ZCWPW2: variants seen among roughly 807,000 people sequenced by gnomAD.
The protein encoded by ZCWPW2 is zinc finger CW-type PWWP domain protein 2.
ZCWPW2 carries 45 observed loss-of-function variants against 46.6 expected under a neutral mutation model. The ratio of observed to expected loss-of-function variants is 0.96; its 90% CI spans 0.76 to 1.24. ZCWPW2 has a LOEUF of 1.24. ZCWPW2 is among the 50% of genes most tolerant of loss of function. ZCWPW2 has a pLI of 0.00. For synonymous variants in ZCWPW2, 152 were observed against 137.1 expected (o/e 1.11, Z -0.76); for missense variants, 429 against 403.9 (o/e 1.06, Z -0.53).
At chr3:28,445,947 A>T (rs781339352) in intron 4 of ZCWPW2, among the ~76,000 whole-genome samples, 6 of 152,176 alleles carry the variant, frequency 3.9e-5, no homozygotes, top group Non-Finnish European at 8.8e-5. Context: ...AGATATTTTG[A>T]TTAATAAGAT....
chr3:28,435,149 A>T lies in ZCWPW2; in HGVS notation c.372A>T (p.Lys124Asn). 2 of 1,613,162 alleles carry T rather than the reference A, an allele frequency of 1.2e-6. No homozygotes were observed. The highest frequency in any genetic ancestry group is 1.3e-5 in the African/African-American group (1 of 75,036). Residue 124 changes from lysine to asparagine, a missense_variant, in exon 4 of 10, where the codon AAA (lysine) becomes AAT (asparagine). Physicochemically the swap from Lys to Asn is moderately conservative, Grantham distance 94. Coordinates refer to ENST00000383768, the MANE Select transcript of ZCWPW2 (RefSeq NM_001040432.4). ...TTTGCCCTGACCGTTTTAAAGGGAA[A>T]TATGTAACTTATGACCCGGATGGAA... is the stretch of plus-strand genomic sequence containing the variant. ...GILCPDRFKG[K>N]YVTYDPDGNV...
At chr3:28,414,142 T>C (rs527901111) in intron 3 of ZCWPW2, among the ~76,000 whole-genome samples, 5 of 152,184 alleles carry the variant, frequency 3.3e-5, no homozygotes, top group Admixed American at 6.5e-5. Flanking sequence ...ATATTACTTA[T>C]GGTGGCTATT....
intron 4 of ZCWPW2, among the ~76,000 whole-genome samples, chr3:28,444,648 C>G (rs1445062267): frequency 6.6e-6 from 1 of 152,136 alleles, no homozygotes; most frequent in Non-Finnish European, 1.5e-5. Context: ...ATGATAAGAG[C>G]TTTCCACAAT....
chr3:28,366,555 T>C (rs1403680775), intron 1 of ZCWPW2, among the ~76,000 whole-genome samples: 3 of 138,516 alleles, frequency 2.2e-5, no homozygotes, highest in Non-Finnish European at 4.6e-5. Flanking sequence ...CAGTATTTTA[T>C]TGAGGATTTT....
At chr3:28,461,634 T>C (rs549725091) in intron 4 of ZCWPW2, 2 of 152,208 alleles carry the variant, frequency 1.3e-5, no homozygotes, top group East Asian at 1.9e-4. Context: ...GAACGAAATA[T>C]ATCTATTTAT....
chr3:28,484,678 C>G (rs1171479153), intron 5 of ZCWPW2, among the ~76,000 whole-genome samples: 1 of 151,062 alleles, frequency 6.6e-6, no homozygotes, highest in Non-Finnish European at 1.5e-5. Context: ...CTCTCCCTTT[C>G]CTCCTTCCTT....
At chr3:28,433,092 TACACACACACAC>T (rs71626517) in intron 3 of ZCWPW2, among the ~76,000 whole-genome samples, 1 of 148,834 alleles carries the variant, frequency 6.7e-6, no homozygotes, top group Admixed American at 6.7e-5. Context: ...AGCATATTCT[TACACACACACAC>T]ACACACACAC....
chr3:28,466,981 G>A (rs1313774423), intron 4 of ZCWPW2, among the ~76,000 whole-genome samples: 2 of 151,982 alleles, frequency 1.3e-5, no homozygotes, highest in Non-Finnish European at 2.9e-5. Flanking sequence ...TTGGAAGGTT[G>A]AACAAAAGAG....
chr3:28,367,065 A>G (rs1705145391), intron 1 of ZCWPW2, among the ~76,000 whole-genome samples: 1 of 152,106 alleles, frequency 6.6e-6, no homozygotes, highest in African/African-American at 2.4e-5. Context: ...CTAGCAGTCT[A>G]TCAATTTTGT....
Position 28,355,522 on chromosome 3 carries a change from G to A in ZCWPW2, c.-134+6319G>A, listed in dbSNP as rs574126374. Among the ~76,000 whole-genome samples, 859 of 152,278 alleles carry A rather than the reference G, an allele frequency of 5.6e-3. 2 individuals carry two copies. The highest frequency in any genetic ancestry group is 9.5e-3 in the Non-Finnish European group (647 of 68,020). On this transcript the variant is annotated intron_variant, in intron 1 of 9. Coordinates refer to ENST00000383768, the MANE Select transcript of ZCWPW2 (RefSeq NM_001040432.4). ...TACTTTAAAGTTCATATGGAACCAA[G>A]AAAGAGCCCGCATTGCCAAGTCCAT... is the stretch of plus-strand genomic sequence containing the variant.
intron 3 of ZCWPW2, among the ~76,000 whole-genome samples, chr3:28,430,256 G>A (rs549950633): frequency 6.6e-6 from 1 of 152,362 alleles, no homozygotes; most frequent in South Asian, 2.1e-4. Context: ...AGCGTGACCT[G>A]GATGTGAGAC....
Position 28,524,514 on chromosome 3 carries a change from G to A in ZCWPW2, c.910-13G>A, listed in dbSNP as rs1173082643. The A allele has an allele frequency of 1.3e-6, 2 of 1,599,848 alleles. No homozygotes were observed. Among genetic ancestry groups the A allele is most frequent in the South Asian group, 2.3e-5 (2 of 86,856 alleles). On this transcript the variant is annotated splice_polypyrimidine_tract_variant and intron_variant, in intron 9 of 9. Transcript: ENST00000383768. ...TTGACATAGTTCCGATTAATTATAT[G>A]GTTGTTTTGCAGTTATCTAAATGCA...
At chr3:28,448,243 A>G (rs1270308373) in intron 4 of ZCWPW2, among the ~76,000 whole-genome samples, 1 of 152,180 alleles carries the variant, frequency 6.6e-6, no homozygotes, top group Non-Finnish European at 1.5e-5. Flanking sequence ...TGAATTCAAC[A>G]AAGCAGCAGG....
chr3:28,436,334 T>G (rs1489509004), intron 4 of ZCWPW2, among the ~76,000 whole-genome samples: 1 of 146,750 alleles, frequency 6.8e-6, no homozygotes, highest in Non-Finnish European at 1.5e-5. Context: ...TTTTTTTTTT[T>G]TTTTTTTGTG....
At chr3:28,451,177 T>A (rs13088574) in intron 4 of ZCWPW2, among the ~76,000 whole-genome samples, 45,051 of 152,038 alleles carry the variant, frequency 0.3, 6,968 homozygotes, top group African/African-American at 0.35. Context: ...AAGAGGCCAC[T>A]AATGTTTATA....
intron 5 of ZCWPW2, among the ~76,000 whole-genome samples, chr3:28,489,497 T>G (rs1217765475): frequency 1.3e-5 from 2 of 152,080 alleles, no homozygotes; most frequent in Non-Finnish European, 2.9e-5. Flanking sequence ...ACTCATCAAT[T>G]ATTTCCAACT....
At chr3:28,379,811 A>G (rs1405904776) in intron 1 of ZCWPW2, among the ~76,000 whole-genome samples, 1 of 152,146 alleles carries the variant, frequency 6.6e-6, no homozygotes, top group African/African-American at 2.4e-5. Flanking sequence ...GAAAAACGTG[A>G]CCATTTGTAG....
At chr3:28,398,277 A>C (rs1695784264) in intron 2 of ZCWPW2, 1 of 152,228 alleles carries the variant, frequency 6.6e-6, no homozygotes, top group African/African-American at 2.4e-5. Context: ...TAAGGACATT[A>C]ATCCCATAAT....
chr3:28,431,264 A>G (rs922829279), intron 3 of ZCWPW2, among the ~76,000 whole-genome samples: 1 of 152,080 alleles, frequency 6.6e-6, no homozygotes. Context: ...CAAATATCTT[A>G]TATATATATG....
Sources: gnomAD v4.1 joint callset for allele counts (sites outside exome capture counted in the v4.1 genomes callset) on GRCh38, gnomAD v4.1.1 for gene constraint, MANE v1.5 for transcripts, NCBI Gene and HGNC (gene_info 2026-07-23, HGNC 2026-07-21) for gene names.